The following ANK2 variants were observed in gnomAD, a reference collection of about 807,000 sequenced individuals.
ANK2 encodes the protein ankyrin-2.
In ANK2, 83 loss-of-function variants were observed where a neutral mutation model predicts 360.5. The observed-to-expected ratio is 0.23, with a 90% CI of 0.19 to 0.28. The LOEUF (loss-of-function observed/expected upper bound fraction) is 0.28, where lower values mean the gene tolerates loss of function less well. Among genes scored for constraint, ANK2 ranks in the 10% least tolerant of loss-of-function variants. ANK2 has a pLI of 1.00. For missense variants in ANK2, 4,201 were observed against 4,795.7 expected (o/e 0.88, Z 3.66); for synonymous variants, 1,740 against 1,759.5 (o/e 0.99, Z 0.28).
chr4:113,126,785 A>G (rs570035078), intron 1 of ANK2, among the ~76,000 whole-genome samples: 1 of 152,318 alleles, frequency 6.6e-6, no homozygotes, highest in South Asian at 2.1e-4. Context: ...TCAGTCTTTC[A>G]ACACAAGGGA....
intron 41 of ANK2, among the ~76,000 whole-genome samples, chr4:113,366,588 C>T (rs1403292384): frequency 6.6e-6 from 1 of 151,906 alleles, no homozygotes; most frequent in Non-Finnish European, 1.5e-5. Context: ...GCACCCTCTG[C>T]ATTCTCCTGT....
chr4:113,033,440 T>C (rs908814210), intron 2 of ANK2, among the ~76,000 whole-genome samples: 4 of 150,520 alleles, frequency 2.7e-5, no homozygotes. Flanking sequence ...AAGTGCTCTT[T>C]AAGGAATTAA....
At chr4:112,752,021 T>C in the ANK2 span, among the ~76,000 whole-genome samples, 1 of 152,226 alleles carries the variant, frequency 6.6e-6, no homozygotes, top group African/African-American at 2.4e-5. Context: ...CCAGGACTTA[T>C]TAACCAAGGG....
upstream of ANK2, among the ~76,000 whole-genome samples, chr4:113,048,246 GTGTATA>G (rs373572932): frequency 0.21 from 11,670 of 54,282 alleles, 1,856 homozygotes; most frequent in Admixed American, 0.26. Context: ...ATCTACAAGT[GTGTATA>G]TATATATATA....
At chr4:113,340,729 A>C (rs1027457955) in intron 32 of ANK2, among the ~76,000 whole-genome samples, 25 of 100,438 alleles carry the variant, frequency 2.5e-4, no homozygotes, top group African/African-American at 1.6e-3. Flanking sequence ...CAAACAAAAA[A>C]CAAACAAACA....
intron 14 of ANK2, among the ~76,000 whole-genome samples, chr4:113,270,807 T>C (rs1241976809): frequency 6.6e-6 from 1 of 152,212 alleles, no homozygotes; most frequent in Non-Finnish European, 1.5e-5. Context: ...GATTTTGGGA[T>C]TATGTTTCAA....
chr4:113,364,294 C>T (rs1263355099), intron 40 of ANK2, among the ~76,000 whole-genome samples: 1 of 152,156 alleles, frequency 6.6e-6, no homozygotes, highest in African/African-American at 2.4e-5. Context: ...AGAAGTTTGG[C>T]AGTGTTTTTG....
chr4:112,857,601 GC>G (rs1347060968), intron 1 of ANK2, among the ~76,000 whole-genome samples: 2 of 152,086 alleles, frequency 1.3e-5, no homozygotes, highest in Non-Finnish European at 2.9e-5. Context: ...ATTCTACAAG[GC>G]TCTAGTCAGG....
chr4:112,790,371 A>G, the ANK2 span, among the ~76,000 whole-genome samples: 1 of 152,144 alleles, frequency 6.6e-6, no homozygotes, highest in Non-Finnish European at 1.5e-5. Context: ...CAACCAATTA[A>G]TCCTGAAGTC....
At chr4:112,944,711 A>G (rs887167372) in intron 2 of ANK2, among the ~76,000 whole-genome samples, 5 of 152,186 alleles carry the variant, frequency 3.3e-5, no homozygotes, top group Non-Finnish European at 5.9e-5. Flanking sequence ...AAATGAAAAG[A>G]TTAGCTTGTT....
At chr4:113,267,825 A>T (rs1017105374) in intron 14 of ANK2, among the ~76,000 whole-genome samples, 4 of 152,186 alleles carry the variant, frequency 2.6e-5, no homozygotes, top group African/African-American at 4.8e-5. Context: ...CATTGAATCT[A>T]TAAATTTCTT....
the ANK2 span, among the ~76,000 whole-genome samples, chr4:112,796,616 C>G: frequency 1.3e-5 from 2 of 150,272 alleles, no homozygotes; most frequent in African/African-American, 4.9e-5. Context: ...TCCCAAAGTT[C>G]TAGGACTACA....
the ANK2 span, among the ~76,000 whole-genome samples, chr4:112,760,976 T>G: frequency 6.6e-5 from 10 of 151,876 alleles, no homozygotes; most frequent in East Asian, 1.2e-3. Flanking sequence ...CCAGCTAATT[T>G]TTGTATTTTA....
chr4:113,294,225 A>G (rs1407377526), intron 22 of ANK2, among the ~76,000 whole-genome samples: 1 of 152,194 alleles, frequency 6.6e-6, no homozygotes, highest in Non-Finnish European at 1.5e-5. Context: ...TTGAGTCCTA[A>G]TGCTCCTGTA....
chr4:113,269,895 C>T (rs947606103), intron 14 of ANK2, among the ~76,000 whole-genome samples: 3 of 152,192 alleles, frequency 2.0e-5, no homozygotes, highest in Non-Finnish European at 4.4e-5. Flanking sequence ...CAGTGATACA[C>T]GGGTAGCCTT....
chr4:112,891,132 T>C (rs773413155), intron 1 of ANK2, among the ~76,000 whole-genome samples: 11 of 152,342 alleles, frequency 7.2e-5, no homozygotes, highest in Non-Finnish European at 1.3e-4. Flanking sequence ...CTCTATTTAA[T>C]AGATGAGATT....
intron 4 of ANK2, among the ~76,000 whole-genome samples, chr4:113,215,861 A>G (rs1034319669): frequency 5.9e-5 from 9 of 152,160 alleles, no homozygotes; most frequent in Non-Finnish European, 1.2e-4. Context: ...CAATTTTTCT[A>G]TCTTCTATTA....
rs553834447 is a variant in ANK2, at chr4:113,139,287, T to C, written c.85-35129T>C. On this transcript the variant is annotated intron_variant, in intron 1 of 45. Transcript: ENST00000357077. ...TATTCTCATGCTATGCATCATTTAT[T>C]TTAAAATCACCTTAACTGAGTACTT... Among the ~76,000 whole-genome samples the C allele has an allele frequency of 2.3e-4, 35 of 152,352 alleles. 1 individual carries two copies. The South Asian group carries it at 5.2e-3, about 23-fold the overall frequency.
intron 2 of ANK2, among the ~76,000 whole-genome samples, chr4:113,042,192 G>T (rs1046443425): frequency 6.6e-6 from 1 of 152,148 alleles, no homozygotes; most frequent in African/African-American, 2.4e-5. Context: ...GCCTTCTTCA[G>T]TTGGCACATC....
Sources: gnomAD v4.1 joint callset for allele counts (sites outside exome capture counted in the v4.1 genomes callset) on GRCh38, gnomAD v4.1.1 for gene constraint, MANE v1.5 for transcripts, NCBI Gene and HGNC (gene_info 2026-07-23, HGNC 2026-07-21) for gene names.